Variants in CCDC183 observed in about 807,000 individuals in gnomAD.
CCDC183 encodes the protein coiled-coil domain containing 183.
Under a neutral mutation model 65.2 loss-of-function variants are expected in CCDC183, and 63 were observed. The observed-to-expected ratio is 0.97, with a 90% CI of 0.79 to 1.19. The LOEUF (loss-of-function observed/expected upper bound fraction) is 1.19, where lower values mean the gene tolerates loss of function less well. Among genes scored for constraint, CCDC183 ranks in the 50% most tolerant of loss-of-function variants. CCDC183 has a pLI of 0.00. For synonymous variants in CCDC183, 323 were observed against 276.5 expected, an observed-to-expected ratio of 1.17 and a Z score of -1.67; for missense variants, 769 against 689.3, an observed-to-expected ratio of 1.12 and a Z score of -1.30.
Position 136,802,070 on chromosome 9 carries a change from G to A in CCDC183, c.544-594G>A, listed in dbSNP as rs374764751. Among the ~76,000 whole-genome samples, 5 of 152,308 alleles carry A rather than the reference G, an allele frequency of 3.3e-5. No individual in the cohort carries two copies. In the East Asian group the frequency reaches 7.7e-4, roughly 23 times the overall value. ...CTCCCAGTGTTGGGATTACAGGCGT[G>A]AGCCACCGCACCTGGCCTATACTTG... On this transcript the variant is annotated intron_variant, in intron 5 of 13. Transcript: ENST00000338005.
intron 13 of CCDC183, 48 bp from the exon 14 acceptor site, chr9:136,807,524 C>T (rs779990571): frequency 8.0e-6 from 12 of 1,498,368 alleles, no homozygotes; most frequent in Admixed American, 2.2e-5. Flanking sequence ...CGGGCGGCTG[C>T]GCCTAGCTGG....
At chr9:136,797,485 C>T (rs1280681777) in intron 1 of CCDC183, among the ~76,000 whole-genome samples, 2 of 151,070 alleles carry the variant, frequency 1.3e-5, no homozygotes, top group Admixed American at 6.6e-5. Flanking sequence ...GTTGCCCAGA[C>T]GGCAGTGCAG....
intron 9 of CCDC183, 110 bp from the exon 10 acceptor site, chr9:136,805,968 G>T: frequency 2.3e-6 from 2 of 852,986 alleles, no homozygotes; most frequent in Non-Finnish European, 3.5e-6. Flanking sequence ...AATGAGCACA[G>T]AGAAAGTGCA....
In CCDC183 at chr9:136,800,397, C is replaced by T. The variant is rs750482725; in HGVS notation, c.447C>T (p.Arg149=). ...CCCTCGGTCCGCCCCAGATCATCCG[C>T]CAGCTGGAGAACAACATCGAGAAGA... is the stretch of plus-strand genomic sequence containing the variant. ...KEELRLLQII[R]QLENNIEKTM... Residue 149 remains arginine (R), a synonymous_variant, in exon 5 of 14, where the codon CGC becomes CGT. Coordinates refer to ENST00000338005, the MANE Select transcript of CCDC183 (RefSeq NM_001039374.5). 1.9e-6 allele frequency: 3 copies of T among 1,610,150 alleles called. No individual in the cohort carries two copies. Among genetic ancestry groups the T allele is most frequent in the Admixed American group, 3.4e-5 (2 of 59,610 alleles).
chr9:136,799,148 C>G lies in CCDC183; in HGVS notation c.117C>G (p.Asp39Glu). 6.2e-7 allele frequency: 1 copy of G among 1,613,430 alleles called. No individual in the cohort carries two copies. Among genetic ancestry groups the G allele is most frequent in the Non-Finnish European group, 8.5e-7 (1 of 1,179,916 alleles). The change falls in exon 2 of 14, where the codon GAC (aspartate) becomes GAG (glutamate). Residue 39 changes from aspartate (D) to glutamate (E), a missense_variant. Coordinates refer to ENST00000338005, the MANE Select transcript of CCDC183 (RefSeq NM_001039374.5). ...LQIQGVKENM[D>E]QNKATLALLR... is the part of the protein sequence containing the mutation. ...TCCAAGGGGTGAAAGAGAATATGGA[C>G]CAGAACAAGGCCACGCTGGCCCTCC... is the stretch of plus-strand genomic sequence containing the variant.
chr9:136,806,249 C>A lies in CCDC183; in HGVS notation c.1109+11C>A. On this transcript the variant is annotated intron_variant, in intron 10 of 13. Coordinates refer to ENST00000338005, the MANE Select transcript of CCDC183 (RefSeq NM_001039374.5). ...GCCTAGCTCCATCAGGTGCCCCGGG[C>A]TTCCGGGGCTGCGGGCCACCCACCC... 6.3e-7 allele frequency: 1 copy of A among 1,584,340 alleles called. No individual in the cohort carries two copies. The highest frequency in any genetic ancestry group is 8.6e-7 in the Non-Finnish European group (1 of 1,165,190).
chr9:136,799,017 TC>T, intron 1 of CCDC183, 84 bp from the exon 2 acceptor site: 1 of 1,577,558 alleles, frequency 6.3e-7, no homozygotes, highest in African/African-American at 1.3e-5. Flanking sequence ...GCCTGGGGCC[TC>T]CCTGATGCAA....
chr9:136,796,344 A>C lies in CCDC183; in HGVS notation c.-54A>C. ...CTGAGTGGCGGCTCTGAGCAAGCTG[A>C]GCCCAGGGAGGCTTTGAGGTACACA... is the stretch of plus-strand genomic sequence containing the variant. On this transcript the variant is annotated 5_prime_UTR_variant, in exon 1 of 14. Coordinates refer to ENST00000338005, the MANE Select transcript of CCDC183 (RefSeq NM_001039374.5). The C allele has an allele frequency of 8.3e-7, 1 of 1,211,224 alleles. No homozygotes were observed. Among genetic ancestry groups the C allele is most frequent in the East Asian group, 2.5e-5 (1 of 40,260 alleles). The allele number at this position is 1,211,224 out of a possible 1,614,324, so 75.0% of individuals were successfully genotyped here.
At chr9:136,796,876 C>T (rs1185718394) in intron 1 of CCDC183, among the ~76,000 whole-genome samples, 1 of 152,146 alleles carries the variant, frequency 6.6e-6, no homozygotes, top group African/African-American at 2.4e-5. Flanking sequence ...CAAGGTTTCC[C>T]CCCACTGAGA....
In CCDC183 at chr9:136,804,551, G is replaced by C. The variant is rs1209131111; in HGVS notation, c.716G>C (p.Arg239Thr). 8 of 1,613,450 alleles carry C rather than the reference G, an allele frequency of 5.0e-6. No individual in the cohort carries two copies. The highest frequency in any genetic ancestry group is 1.7e-5 in the Admixed American group (1 of 59,988). ...TCCTTCATCGAGGAGCGCCGGGCAA[G>C]GGAGAACCGGCTCAACCAGCAGAAG... ...EASFIEERRA[R>T]ENRLNQQKKL... The change falls in exon 7 of 14, where the codon AGG becomes ACG. Residue 239 changes from arginine (R) to threonine (T), a missense_variant. Physicochemically the swap from Arg to Thr is moderately conservative, Grantham distance 71. Coordinates refer to ENST00000338005, the MANE Select transcript of CCDC183 (RefSeq NM_001039374.5). The surrounding 1 kb of genome is among the most constrained non-coding windows in gnomAD (Gnocchi z 4.1).
At position 136,802,649 on chromosome 9, in the gene CCDC183, C is replaced by T. The variant is rs1170464453; in HGVS notation, c.544-15C>T. ...CCACTCTGTAGGGGCCACAAGAGAACCCCATTCAACACAGGTGCTGGCAGG... is the reference window on the plus strand; with the variant it reads ...CCACTCTGTAGGGGCCACAAGAGAATCCCATTCAACACAGGTGCTGGCAGG... On this transcript the variant is annotated splice_polypyrimidine_tract_variant and intron_variant, in intron 5 of 13. Transcript: ENST00000338005. The T allele has an allele frequency of 7.5e-6, 12 of 1,602,294 alleles. No homozygotes were observed. The highest frequency in any genetic ancestry group is 1.0e-5 in the Non-Finnish European group (12 of 1,175,100).
chr9:136,803,275 CCAGGGCTGGGGCCCCCCAGGGCGGGCT>C (rs1847777279), intron 6 of CCDC183, among the ~76,000 whole-genome samples: 1 of 94,740 alleles, frequency 1.1e-5, no homozygotes, highest in African/African-American at 4.3e-5. Flanking sequence ...AGCTCAGGGC[CCAGGGCTGGGGCCCCCCAGGGCGGGCT>C]CTCTTGTGTC....
intron 5 of CCDC183, 62 bp downstream of exon 5, chr9:136,800,555 G>A (rs748989769): frequency 1.4e-4 from 175 of 1,278,066 alleles, no homozygotes; most frequent in Admixed American, 2.0e-4. Context: ...GGGCGGGAGC[G>A]TCCTGGGGCG....
intron 5 of CCDC183, among the ~76,000 whole-genome samples, chr9:136,801,412 C>A (rs1847735695): frequency 6.7e-6 from 1 of 148,660 alleles, no homozygotes; most frequent in Non-Finnish European, 1.5e-5. Flanking sequence ...ACTTAAAAAA[C>A]AATTATTCCC....
intron 13 of CCDC183, 168 bp from the exon 14 acceptor site, chr9:136,807,404 A>T: frequency 1.1e-6 from 1 of 878,312 alleles, no homozygotes. Flanking sequence ...TAGGCAGGGC[A>T]GCGTGAGCCG....
At chr9:136,806,273 C>G (rs1222066789) in intron 10 of CCDC183, 35 bp downstream of exon 10, 4 of 1,566,226 alleles carry the variant, frequency 2.6e-6, no homozygotes, top group Non-Finnish European at 3.5e-6. Flanking sequence ...GGCCACCCAC[C>G]CCAGTCTCAC....
chr9:136,806,362 CA>C, intron 10 of CCDC183, 124 bp downstream of exon 10: 1 of 1,373,604 alleles, frequency 7.3e-7, no homozygotes, highest in South Asian at 1.3e-5. Flanking sequence ...ACAGAGGGGC[CA>C]GGGGACTCCA....
Position 136,796,433 on chromosome 9 carries a change from G to C in CCDC183, c.36G>C (p.Gln12His). 6.3e-7 allele frequency: 1 copy of C among 1,582,276 alleles called. No individual in the cohort carries two copies. Among genetic ancestry groups the C allele is most frequent in the South Asian group, 1.2e-5 (1 of 86,390 alleles). The change falls in exon 1 of 14, where the codon CAG becomes CAC. Residue 12 changes from glutamine (Q) to histidine (H), a missense_variant. Coordinates refer to ENST00000338005, the MANE Select transcript of CCDC183 (RefSeq NM_001039374.5). ...ACAGTGAGACAGATGTGGAAGAGCAGACCCAGGAGCTGAAGACCATCACTC... is the reference window on the plus strand; with the variant it reads ...ACAGTGAGACAGATGTGGAAGAGCACACCCAGGAGCTGAAGACCATCACTC... Reference protein sequence around the residue: ...RRHSETDVEEQTQELKTITQL... With the variant: ...RRHSETDVEEHTQELKTITQL...
chr9:136,798,124 G>A (rs1396605940), intron 1 of CCDC183, among the ~76,000 whole-genome samples: 1 of 151,140 alleles, frequency 6.6e-6, no homozygotes, highest in Non-Finnish European at 1.5e-5. Flanking sequence ...TCCTGCCTCA[G>A]CCTCCCGAGT....
Sources: allele counts gnomAD v4.1 joint callset (sites outside exome capture counted in the v4.1 genomes callset), GRCh38; gene constraint gnomAD v4.1.1; non-coding constraint Gnocchi (gnomAD v3.1); transcripts MANE v1.5; gene names NCBI Gene and HGNC (gene_info 2026-07-23, HGNC 2026-07-21).